The following AGBL1 variants were observed in gnomAD, a reference collection of about 807,000 sequenced individuals.
The protein encoded by AGBL1 is AGBL carboxypeptidase 1.
A neutral mutation model predicts 118.9 loss-of-function variants in AGBL1; 130 were observed. That is an observed-to-expected ratio of 1.09 (90% CI 0.95 to 1.26). The LOEUF (loss-of-function observed/expected upper bound fraction) is 1.26, where lower values mean the gene tolerates loss of function less well. Ranked by LOEUF, AGBL1 falls within the 50% of genes most tolerant of loss-of-function variation. AGBL1 has a pLI of 0.00. For synonymous variants in AGBL1, 555 were observed against 478.9 expected, an observed-to-expected ratio of 1.16 and a Z score of -2.08; for missense variants, 1,584 against 1,298.1, an observed-to-expected ratio of 1.22 and a Z score of -3.38.
At chr15:86,963,636 G>A (rs1039506249) in intron 23 of AGBL1, among the ~76,000 whole-genome samples, 2 of 151,940 alleles carry the variant, frequency 1.3e-5, no homozygotes, top group Non-Finnish European at 2.9e-5. Context: ...ATTATTTATC[G>A]GTGTATCCTC....
chr15:86,738,194 G>A (rs551212880), intron 22 of AGBL1, among the ~76,000 whole-genome samples: 1 of 152,034 alleles, frequency 6.6e-6, no homozygotes, highest in South Asian at 2.1e-4. Context: ...CATAATAAAA[G>A]CTCTTAATAA....
intron 9 of AGBL1, among the ~76,000 whole-genome samples, chr15:86,258,400 A>G (rs1216972128): frequency 6.6e-6 from 1 of 152,030 alleles, no homozygotes; most frequent in Non-Finnish European, 1.5e-5. Context: ...TTTGTAAGTC[A>G]CTCTTCTTAT....
chr15:86,261,396 T>C (rs991997720), intron 9 of AGBL1, among the ~76,000 whole-genome samples: 8 of 152,192 alleles, frequency 5.3e-5, no homozygotes, highest in South Asian at 2.1e-4. Context: ...ATGGTGTGTA[T>C]ACTGTACCTG....
intron 2 of AGBL1, among the ~76,000 whole-genome samples, 187 bp from the exon 3 acceptor site, chr15:86,143,512 T>A (rs1334422479): frequency 3.3e-5 from 5 of 152,246 alleles, no homozygotes; most frequent in Admixed American, 1.3e-4. Context: ...ACTATTTTCC[T>A]ATTTCACAAC....
rs141157731 is a variant in AGBL1 at position 86,556,985 on chromosome 15, G to A, written c.2994+2448G>A. Among the ~76,000 whole-genome samples the A allele has an allele frequency of 3.3e-3, 507 of 152,252 alleles. 6 individuals are homozygous for A. The highest frequency in any genetic ancestry group is 9.6e-3 in the African/African-American group (400 of 41,534). ...TTACAGTGACATTTATATTGGAACTGCATTAAAGAACATAAGCTATTACCT... is the reference window on the plus strand; with the variant it reads ...TTACAGTGACATTTATATTGGAACTACATTAAAGAACATAAGCTATTACCT... On this transcript the variant is annotated intron_variant, in intron 21 of 22. Coordinates refer to ENST00000614907, the MANE Select transcript of AGBL1 (RefSeq NM_001386094.1).
At chr15:86,443,586 C>A (rs2082088720) in intron 18 of AGBL1, among the ~76,000 whole-genome samples, 1 of 152,126 alleles carries the variant, frequency 6.6e-6, no homozygotes, top group East Asian at 1.9e-4. Context: ...ATTAACAAAC[C>A]TCTCACCATT....
intron 23 of AGBL1, among the ~76,000 whole-genome samples, chr15:86,974,104 AT>A (rs1259810446): frequency 1.7e-5 from 1 of 59,878 alleles, no homozygotes; most frequent in African/African-American, 6.7e-5. Flanking sequence ...AAATATAAAC[AT>A]TTTAATATAT....
chr15:87,006,643 G>A (rs918683043), intron 24 of AGBL1, among the ~76,000 whole-genome samples: 2 of 152,130 alleles, frequency 1.3e-5, no homozygotes, highest in Non-Finnish European at 2.9e-5. Flanking sequence ...CACTTCCCGG[G>A]TGAGGCAATG....
chr15:86,498,938 C>A (rs767038776), intron 18 of AGBL1, among the ~76,000 whole-genome samples: 1 of 151,830 alleles, frequency 6.6e-6, no homozygotes, highest in African/African-American at 2.4e-5. Context: ...TTAGCACACA[C>A]CTGCTTTTTG....
Position 86,284,531 on chromosome 15 carries a change from T to A in AGBL1, c.2220+4748T>A, listed in dbSNP as rs144528047. 5.1e-4 allele frequency among the ~76,000 whole-genome samples: 78 copies of A among 152,182 alleles called. No individual in the cohort carries two copies. The East Asian group carries it at 0.011, about 22-fold the overall frequency. ...TTGTACCTTTTATTTAGCTTAAGGG[T>A]GTTATTTGTTCTTCTCTTGTGATAA... On this transcript the variant is annotated intron_variant, in intron 16 of 22. Coordinates refer to ENST00000614907, the MANE Select transcript of AGBL1 (RefSeq NM_001386094.1).
chr15:86,648,327 T>C (rs1426546566), intron 21 of AGBL1, among the ~76,000 whole-genome samples: 1 of 152,076 alleles, frequency 6.6e-6, no homozygotes, highest in Non-Finnish European at 1.5e-5. Context: ...GTGGTGAGGA[T>C]CAGATTCTGA....
At chr15:86,665,580 T>G (rs2085630642) in intron 21 of AGBL1, among the ~76,000 whole-genome samples, 1 of 152,164 alleles carries the variant, frequency 6.6e-6, no homozygotes, top group African/African-American at 2.4e-5. Context: ...GTTTATGGTA[T>G]TTCAGGTTAT....
intron 5 of AGBL1, among the ~76,000 whole-genome samples, chr15:86,212,298 G>A (rs1053378972): frequency 2.0e-5 from 3 of 152,142 alleles, no homozygotes; most frequent in African/African-American, 7.2e-5. Flanking sequence ...CCATGTTACC[G>A]TAAACAATGT....
At position 86,621,742 on chromosome 15, in the gene AGBL1, T is replaced by A. The variant is rs1380451391; in HGVS notation, c.2995-52531T>A. On this transcript the variant is annotated intron_variant, in intron 21 of 22. Coordinates refer to ENST00000614907, the MANE Select transcript of AGBL1 (RefSeq NM_001386094.1). ...CAATGCGATATAGCCTTAGTCAAGT[T>A]ATTTATTCTCTCTCACACTCAGTTT... 2.0e-5 allele frequency among the ~76,000 whole-genome samples: 3 copies of A among 152,240 alleles called. No homozygotes were observed. In the South Asian group the frequency reaches 6.2e-4, roughly 32 times the overall value.
chr15:86,262,957 G>A lies in AGBL1; in HGVS notation c.1086+63G>A, dbSNP rs573042769. On this transcript the variant is annotated intron_variant, in intron 10 of 22. Transcript: ENST00000614907. ...ATGATGGGTTCTTTGCAGATCCTGGGAGGCCAAACCAGGGTGTCCAGATGG... is the reference window on the plus strand; with the variant it reads ...ATGATGGGTTCTTTGCAGATCCTGGAAGGCCAAACCAGGGTGTCCAGATGG... 42 of 1,260,750 alleles carry A rather than the reference G, an allele frequency of 3.3e-5. No individual in the cohort carries two copies. In the African/African-American group the frequency reaches 5.9e-4, roughly 18 times the overall value. The allele number at this position is 1,260,750 out of a possible 1,614,324, so 78.1% of individuals were successfully genotyped here. A position where few individuals can be genotyped will look rare whatever the true frequency, so the allele number is the denominator to read the frequency against.
chr15:86,364,461 A>T (rs1020113401), intron 17 of AGBL1, among the ~76,000 whole-genome samples: 3 of 152,188 alleles, frequency 2.0e-5, no homozygotes, highest in African/African-American at 7.2e-5. Flanking sequence ...TTATTGGCTT[A>T]TCACCTACTC....
chr15:86,515,198 T>C (rs541737196), intron 18 of AGBL1, among the ~76,000 whole-genome samples: 1 of 152,350 alleles, frequency 6.6e-6, no homozygotes, highest in South Asian at 2.1e-4. Context: ...TAATACCTCT[T>C]GTCTAGGTTC....
intron 17 of AGBL1, among the ~76,000 whole-genome samples, chr15:86,333,441 G>A (rs142493510): frequency 1.6e-4 from 24 of 152,174 alleles, no homozygotes; most frequent in African/African-American, 5.3e-4. Flanking sequence ...GAAAAAATTG[G>A]ATAAATTCCT....
intron 17 of AGBL1, among the ~76,000 whole-genome samples, chr15:86,352,564 C>G (rs1232972018): frequency 6.6e-6 from 1 of 152,080 alleles, no homozygotes; most frequent in African/African-American, 2.4e-5. Flanking sequence ...TCACTGCAAC[C>G]TCTGCCTCCC....
Sources: gnomAD v4.1 joint callset for allele counts (sites outside exome capture counted in the v4.1 genomes callset) on GRCh38, gnomAD v4.1.1 for gene constraint, MANE v1.5 for transcripts, NCBI Gene and HGNC (gene_info 2026-07-23, HGNC 2026-07-21) for gene names.